The following ESRRG variants were observed in gnomAD, a reference collection of about 807,000 sequenced individuals.
The protein encoded by ESRRG is estrogen-related receptor gamma.
Under a neutral mutation model 44.0 loss-of-function variants are expected in ESRRG, and 13 were observed. That is an observed-to-expected ratio of 0.30 (90% CI 0.19 to 0.47). The LOEUF (loss-of-function observed/expected upper bound fraction) is 0.47. Among genes scored for constraint, ESRRG ranks in the 20% least tolerant of loss-of-function variants. The probability of loss-of-function intolerance (pLI) is 1.00; values close to 1 mark genes in which losing one functional copy is unlikely to be tolerated. For synonymous variants in ESRRG, 215 were observed against 214.6 expected, an observed-to-expected ratio of 1.00 and a Z score of -0.02; for missense variants, 395 against 580.6, an observed-to-expected ratio of 0.68 and a Z score of 3.29.
At chr1:216,721,297 G>A (rs895412822) in intron 1 of ESRRG, among the ~76,000 whole-genome samples, 2 of 152,170 alleles carry the variant, frequency 1.3e-5, no homozygotes, top group African/African-American at 4.8e-5. Context: ...TTTCATTTCT[G>A]TGTATACACA....
chr1:216,567,780 A>C (rs926719796), intron 4 of ESRRG, among the ~76,000 whole-genome samples: 1 of 152,152 alleles, frequency 6.6e-6, no homozygotes, highest in Non-Finnish European at 1.5e-5. Flanking sequence ...GAGAGAGAAA[A>C]CCACAGATAT....
chr1:216,873,812 CA>C (rs2096295540), intron 2 of ESRRG, among the ~76,000 whole-genome samples: 1 of 145,896 alleles, frequency 6.9e-6, no homozygotes, highest in Non-Finnish European at 1.5e-5. Context: ...CTGTTGCCAT[CA>C]TTGTTAGCAC....
At chr1:216,840,381 G>C (rs1262033424) in intron 2 of ESRRG, among the ~76,000 whole-genome samples, 1 of 152,158 alleles carries the variant, frequency 6.6e-6, no homozygotes, top group African/African-American at 2.4e-5. Flanking sequence ...CCTTGCTTTT[G>C]ATTAGGCTTT....
At chr1:216,604,909 T>G (rs2059723559) in intron 3 of ESRRG, among the ~76,000 whole-genome samples, 1 of 152,214 alleles carries the variant, frequency 6.6e-6, no homozygotes, top group African/African-American at 2.4e-5. Context: ...GGATGAATTA[T>G]CTTTGAAATA....
chr1:216,845,308 C>A (rs2095725155), intron 2 of ESRRG, among the ~76,000 whole-genome samples: 1 of 152,012 alleles, frequency 6.6e-6, no homozygotes, highest in African/African-American at 2.4e-5. Flanking sequence ...ATTAATTGAA[C>A]CAGAGGGAGT....
chr1:216,949,639 G>T (rs2066627992), intron 1 of ESRRG, among the ~76,000 whole-genome samples: 1 of 152,078 alleles, frequency 6.6e-6, no homozygotes, highest in African/African-American at 2.4e-5. Flanking sequence ...AATATTTGAG[G>T]TGAAAAAGGC....
chr1:216,715,308 T>C (rs1210007662), intron 1 of ESRRG: 6 of 875,164 alleles, frequency 6.9e-6, no homozygotes, highest in Non-Finnish European at 8.2e-6. Context: ...CTGTATACAG[T>C]CACTTTCTCA....
At chr1:217,061,188 A>G (rs1207300056) in intron 1 of ESRRG, among the ~76,000 whole-genome samples, 1 of 152,112 alleles carries the variant, frequency 6.6e-6, no homozygotes, top group African/African-American at 2.4e-5. Context: ...AGCTTTTTAA[A>G]TTGCCCTTGT....
intron 5 of ESRRG, among the ~76,000 whole-genome samples, chr1:216,556,537 T>C (rs570350521): frequency 6.6e-6 from 1 of 152,328 alleles, no homozygotes; most frequent in Non-Finnish European, 1.5e-5. Context: ...CTTTTCAAAA[T>C]GCAGTTCAAC....
chr1:217,030,688 A>T (rs1279320531), intron 1 of ESRRG, among the ~76,000 whole-genome samples: 1 of 152,238 alleles, frequency 6.6e-6, no homozygotes, highest in African/African-American at 2.4e-5. Context: ...GCATTTGTCA[A>T]ATTTTACATT....
intron 3 of ESRRG, among the ~76,000 whole-genome samples, chr1:216,640,739 C>T (rs2066248294): frequency 6.6e-6 from 1 of 152,116 alleles, no homozygotes; most frequent in Admixed American, 6.5e-5. Context: ...GAGTCTTATT[C>T]AAGTGTACAC....
intron 2 of ESRRG, among the ~76,000 whole-genome samples, chr1:216,804,521 A>G (rs1039618852): frequency 6.6e-5 from 10 of 152,122 alleles, no homozygotes; most frequent in African/African-American, 2.4e-4. Context: ...GGGATTTTAG[A>G]GAGAAAACAG....
intron 3 of ESRRG, among the ~76,000 whole-genome samples, chr1:216,578,281 G>T (rs1297662392): frequency 6.6e-6 from 1 of 151,914 alleles, no homozygotes; most frequent in Non-Finnish European, 1.5e-5. Context: ...TGTAACATTG[G>T]TAGCAATAAG....
At chr1:216,839,803 TA>T (rs1322621670) in intron 2 of ESRRG, among the ~76,000 whole-genome samples, 3 of 152,164 alleles carry the variant, frequency 2.0e-5, no homozygotes, top group Non-Finnish European at 4.4e-5. Flanking sequence ...CAATGAGCAG[TA>T]ATGTTTTAAA....
chr1:216,621,509 C>T (rs1046858797), intron 3 of ESRRG, among the ~76,000 whole-genome samples: 3 of 152,144 alleles, frequency 2.0e-5, no homozygotes, highest in African/African-American at 7.2e-5. Flanking sequence ...AAGCCACGCC[C>T]CTTAGAAGAA....
intron 2 of ESRRG, among the ~76,000 whole-genome samples, chr1:216,849,674 A>T (rs11117702): frequency 0.053 from 8,045 of 152,172 alleles, 743 homozygotes; most frequent in African/African-American, 0.18. Context: ...TACAGATTAT[A>T]TAGGAAACAG....
At chr1:216,594,014 T>C (rs910380906) in intron 3 of ESRRG, among the ~76,000 whole-genome samples, 2 of 152,188 alleles carry the variant, frequency 1.3e-5, no homozygotes, top group African/African-American at 2.4e-5. Context: ...ATTATAGGCA[T>C]GAGTGAATTT....
chr1:217,091,696 G>C (rs906329666), upstream of ESRRG, among the ~76,000 whole-genome samples: 1 of 152,146 alleles, frequency 6.6e-6, no homozygotes, highest in Non-Finnish European at 1.5e-5. Flanking sequence ...GGATGAATTG[G>C]TGCAGTCTTG....
chr1:216,752,774 C>T (rs2092140793), intron 2 of ESRRG, among the ~76,000 whole-genome samples: 1 of 152,020 alleles, frequency 6.6e-6, no homozygotes, highest in Non-Finnish European at 1.5e-5. Context: ...CCATCCATGC[C>T]TCTTATTAGC....
Sources: gnomAD v4.1 joint callset for allele counts (sites outside exome capture counted in the v4.1 genomes callset) on GRCh38, gnomAD v4.1.1 for gene constraint, MANE v1.5 for transcripts, NCBI Gene and HGNC (gene_info 2026-07-23, HGNC 2026-07-21) for gene names.